The following GRM7 variants were observed in gnomAD, a reference collection of about 807,000 sequenced individuals.
GRM7 encodes glutamate metabotropic receptor 7, also known as metabotropic glutamate receptor 7.
GRM7 carries 35 observed loss-of-function variants against 84.5 expected under a neutral mutation model. The observed-to-expected ratio is 0.41, with a 90% CI of 0.32 to 0.55. The LOEUF (loss-of-function observed/expected upper bound fraction) is 0.55, where lower values mean the gene tolerates loss of function less well. GRM7 is among the 20% of genes least tolerant of loss of function. The pLI is 0.19. For missense variants in GRM7, 1,003 were observed against 1,194.6 expected (o/e 0.84, Z 2.36); for synonymous variants, 487 against 455.1 (o/e 1.07, Z -0.89).
intron 1 of GRM7, among the ~76,000 whole-genome samples, chr3:6,985,101 G>A (rs912202608): frequency 1.8e-4 from 28 of 152,082 alleles, no homozygotes; most frequent in Admixed American, 1.3e-3. Context: ...TAGGTACATA[G>A]TAGACATATA....
At position 7,559,130 on chromosome 3, in the gene GRM7, C is replaced by T. The variant is rs141450787; in HGVS notation, c.1516-19292C>T. ...TCAACAACACACATATATTAACAGT[C>T]GCTTTTTTTTTTTTTTTTCATTGAA... On this transcript the variant is annotated intron_variant, in intron 7 of 9. Transcript: ENST00000357716. 2.5e-4 allele frequency: 31 copies of T among 121,934 alleles called. No homozygotes were observed. The East Asian group carries it at 2.6e-3, about 10-fold the overall frequency. The allele number at this position is 121,934 out of a possible 1,614,324, so 7.6% of individuals were successfully genotyped here.
chr3:7,568,562 G>A (rs936786011), intron 7 of GRM7, among the ~76,000 whole-genome samples: 25 of 152,220 alleles, frequency 1.6e-4, no homozygotes, highest in Non-Finnish European at 3.4e-4. Flanking sequence ...GGCCAAGGCC[G>A]GAGCCGGCTC....
chr3:7,482,474 G>A (rs1307236263), intron 7 of GRM7, among the ~76,000 whole-genome samples: 1 of 152,180 alleles, frequency 6.6e-6, no homozygotes, highest in Non-Finnish European at 1.5e-5. Context: ...ACCTAGGGAG[G>A]TACATGGCAA....
In GRM7 at chr3:6,861,901, C is replaced by A. The variant is rs1431279642; in HGVS notation, c.513C>A (p.Leu171=). Residue 171 remains leucine (L), a synonymous_variant, in exon 1 of 10, where the codon CTC becomes CTA. Coordinates refer to ENST00000357716, the MANE Select transcript of GRM7 (RefSeq NM_000844.4). The surrounding 1 kb of genome is among the most constrained non-coding windows in gnomAD (Gnocchi z 6.4). ...TCATGGTAGCCAACATCCTGAGGCT[C>A]TTCCAGGTAGGGATGCGCTCCCTCC... is the stretch of plus-strand genomic sequence containing the variant. The part of the protein sequence containing the change: ...VSIMVANILR[L]FQIPQISYAS... 6.2e-7 allele frequency: 1 copy of A among 1,608,760 alleles called. No homozygotes were observed.
At chr3:7,442,430 C>G (rs138119077) in intron 5 of GRM7, among the ~76,000 whole-genome samples, 3 of 152,190 alleles carry the variant, frequency 2.0e-5, no homozygotes, top group Non-Finnish European at 4.4e-5. Context: ...ACTTTGTTTC[C>G]TATTTAGATG....
chr3:7,263,159 A>C (rs912564027), intron 2 of GRM7, among the ~76,000 whole-genome samples: 9 of 152,194 alleles, frequency 5.9e-5, no homozygotes, highest in East Asian at 1.9e-4. Context: ...GATTCGGTCA[A>C]CTGGCTTTGT....
At chr3:6,898,175 C>T (rs1408816373) in intron 1 of GRM7, among the ~76,000 whole-genome samples, 5 of 152,118 alleles carry the variant, frequency 3.3e-5, no homozygotes, top group Admixed American at 3.3e-4. Flanking sequence ...ATATTGTCAG[C>T]TGTAAAATCA....
At chr3:7,603,403 C>T (rs1168560187) in intron 8 of GRM7, among the ~76,000 whole-genome samples, 1 of 152,042 alleles carries the variant, frequency 6.6e-6, no homozygotes, top group Non-Finnish European at 1.5e-5. Context: ...CCCCCAGACC[C>T]CAGATTTCTA....
intron 7 of GRM7, among the ~76,000 whole-genome samples, chr3:7,503,394 A>G (rs189856844): frequency 2.6e-5 from 4 of 152,108 alleles, no homozygotes; most frequent in African/African-American, 9.6e-5. Flanking sequence ...GCACATGCAC[A>G]CACACACACA....
chr3:6,903,909 A>G (rs77022515), intron 1 of GRM7, among the ~76,000 whole-genome samples: 2,093 of 152,120 alleles, frequency 0.014, 48 homozygotes, highest in African/African-American at 0.048. Flanking sequence ...TGCCATTTCT[A>G]TTTTCCCATC....
chr3:7,600,102 C>A (rs1696244736), intron 8 of GRM7, among the ~76,000 whole-genome samples: 2 of 151,996 alleles, frequency 1.3e-5, no homozygotes, highest in Admixed American at 6.6e-5. Context: ...GATAGGCATC[C>A]ATTTTCATAG....
intron 1 of GRM7, among the ~76,000 whole-genome samples, chr3:6,963,134 G>T (rs1693366309): frequency 1.3e-5 from 2 of 152,144 alleles, no homozygotes; most frequent in Non-Finnish European, 2.9e-5. Flanking sequence ...TTTTCCAGGT[G>T]GCCAGTGTTC....
chr3:7,614,930 T>C (rs1238910629), intron 8 of GRM7, among the ~76,000 whole-genome samples: 2 of 152,178 alleles, frequency 1.3e-5, no homozygotes, highest in African/African-American at 4.8e-5. Flanking sequence ...CCACATTTCC[T>C]CTTGAATCTC....
chr3:6,920,968 G>A (rs767148835), intron 1 of GRM7, among the ~76,000 whole-genome samples: 2 of 152,172 alleles, frequency 1.3e-5, no homozygotes, highest in Non-Finnish European at 2.9e-5. Context: ...GAACCTTAGA[G>A]AAATCTAAAG....
intron 1 of GRM7, among the ~76,000 whole-genome samples, chr3:7,058,447 A>T (rs1210094212): frequency 6.6e-6 from 1 of 151,860 alleles, no homozygotes; most frequent in Non-Finnish European, 1.5e-5. Flanking sequence ...TACAGAGAGG[A>T]ACAAATTACT....
intron 1 of GRM7, among the ~76,000 whole-genome samples, chr3:7,127,349 G>A (rs936510685): frequency 2.0e-5 from 3 of 152,184 alleles, no homozygotes; most frequent in African/African-American, 4.8e-5. Flanking sequence ...AGAAAAGATC[G>A]GATGAGTTAA....
intron 2 of GRM7, among the ~76,000 whole-genome samples, chr3:7,239,415 A>G (rs1339418074): frequency 6.6e-6 from 1 of 152,166 alleles, no homozygotes; most frequent in Non-Finnish European, 1.5e-5. Context: ...CTGGGATCAT[A>G]GTTTGCTCAT....
intron 1 of GRM7, among the ~76,000 whole-genome samples, chr3:7,095,244 G>C (rs1423770121): frequency 2.0e-5 from 3 of 152,166 alleles, no homozygotes; most frequent in Non-Finnish European, 4.4e-5. Flanking sequence ...TTATCTGACA[G>C]ATGGGGAAAT....
rs577249282 is a variant in GRM7, at chr3:7,093,097, A to C, written c.520-53355A>C. 2.6e-5 allele frequency among the ~76,000 whole-genome samples: 4 copies of C among 152,294 alleles called. No homozygotes were observed. In the South Asian group the frequency reaches 8.3e-4, roughly 32 times the overall value. The stretch of plus-strand genomic sequence containing the variant: ...ACCAACACCAACAACAGCGACAACA[A>C]CAATAAAAAGGAAATTACCAAATCA... On this transcript the variant is annotated intron_variant, in intron 1 of 9. Transcript: ENST00000357716.
Sources: allele counts gnomAD v4.1 joint callset (sites outside exome capture counted in the v4.1 genomes callset), GRCh38; gene constraint gnomAD v4.1.1; non-coding constraint Gnocchi (gnomAD v3.1); transcripts MANE v1.5; gene names NCBI Gene and HGNC (gene_info 2026-07-23, HGNC 2026-07-21).